The following RPSA2 variants were observed in gnomAD, a reference collection of about 807,000 sequenced individuals.
The protein encoded by RPSA2 is ribosomal protein SA 2.
chr19:23,808,882 A>G, the RPSA2 span: 1 of 418,492 alleles, frequency 2.4e-6, no homozygotes, highest in Non-Finnish European at 4.3e-6. Flanking sequence ...GCAAGTCTTT[A>G]AAGTGATTTG....
chr19:23,761,276 C>T, the RPSA2 span, among the ~76,000 whole-genome samples: 257 of 152,100 alleles, frequency 1.7e-3, 1 homozygote, highest in African/African-American at 5.8e-3. Context: ...GACTGAGTCT[C>T]ACTACATTGC....
the RPSA2 span, among the ~76,000 whole-genome samples, chr19:23,784,091 G>A: frequency 0.021 from 3,183 of 152,314 alleles, 53 homozygotes; most frequent in Admixed American, 0.034. Flanking sequence ...AAAGCACACA[G>A]ATGTAATGAT....
At chr19:23,789,467 A>T in the RPSA2 span, among the ~76,000 whole-genome samples, 1 of 151,892 alleles carries the variant, frequency 6.6e-6, no homozygotes, top group Non-Finnish European at 1.5e-5. Context: ...CTCTCTACTC[A>T]CTGATGTAAT....
the RPSA2 span, among the ~76,000 whole-genome samples, chr19:23,793,848 G>T: frequency 6.6e-6 from 1 of 152,140 alleles, no homozygotes; most frequent in African/African-American, 2.4e-5. Context: ...ACAGGTGTGA[G>T]CCATCCCGCC....
chr19:23,777,954 G>A, the RPSA2 span, among the ~76,000 whole-genome samples: 1 of 152,206 alleles, frequency 6.6e-6, no homozygotes, highest in Non-Finnish European at 1.5e-5. Flanking sequence ...TTCACTAGGG[G>A]ATAATAATAC....
the RPSA2 span, among the ~76,000 whole-genome samples, chr19:23,841,832 G>A: frequency 6.6e-6 from 1 of 152,314 alleles, no homozygotes; most frequent in African/African-American, 2.4e-5. Context: ...TAGCAGAGAT[G>A]AGCACTTGTA....
the RPSA2 span, among the ~76,000 whole-genome samples, chr19:23,822,813 G>A: frequency 6.6e-6 from 1 of 152,084 alleles, no homozygotes; most frequent in Non-Finnish European, 1.5e-5. Flanking sequence ...TAGGGAGGAG[G>A]GGTTTCTATC....
chr19:23,762,743 A>T, the RPSA2 span, among the ~76,000 whole-genome samples: 24 of 152,178 alleles, frequency 1.6e-4, no homozygotes, highest in East Asian at 4.4e-3. Context: ...GCATTATACA[A>T]GACCCAGGTA....
At chr19:23,806,385 T>C in the RPSA2 span, among the ~76,000 whole-genome samples, 1 of 152,086 alleles carries the variant, frequency 6.6e-6, no homozygotes. Context: ...GGATTCTTAG[T>C]AAAGATGGAG....
chr19:23,852,528 G>C, the RPSA2 span, among the ~76,000 whole-genome samples: 1 of 152,184 alleles, frequency 6.6e-6, no homozygotes, highest in Non-Finnish European at 1.5e-5. Flanking sequence ...AAAACGAAAG[G>C]ATGGGCCAAA....
chr19:23,839,221 A>G, the RPSA2 span, among the ~76,000 whole-genome samples: 2 of 152,152 alleles, frequency 1.3e-5, no homozygotes, highest in Non-Finnish European at 2.9e-5. Flanking sequence ...CAGATTATTT[A>G]ATTTCCATGT....
the RPSA2 span, among the ~76,000 whole-genome samples, chr19:23,857,947 G>A: frequency 3.9e-5 from 6 of 151,976 alleles, no homozygotes; most frequent in Admixed American, 3.9e-4. Flanking sequence ...CATCTGGAGA[G>A]ACAATTGCTT....
the RPSA2 span, chr19:23,832,968 C>A: frequency 1.4e-6 from 2 of 1,475,302 alleles, no homozygotes; most frequent in Non-Finnish European, 1.8e-6. Flanking sequence ...GAGTAAAACC[C>A]TACAAGTGTG....
the RPSA2 span, among the ~76,000 whole-genome samples, chr19:23,762,485 G>T: frequency 2.6e-5 from 4 of 151,778 alleles, no homozygotes; most frequent in Non-Finnish European, 5.9e-5. Context: ...AGAGCAGCCT[G>T]GCCAACATGG....
chr19:23,862,486 C>T, the RPSA2 span, among the ~76,000 whole-genome samples: 4 of 151,830 alleles, frequency 2.6e-5, no homozygotes, highest in East Asian at 1.9e-4. Context: ...CCAGTTTTTG[C>T]CCATTCAGTA....
chr19:23,866,457 T>C, the RPSA2 span, among the ~76,000 whole-genome samples: 1 of 152,066 alleles, frequency 6.6e-6, no homozygotes, highest in East Asian at 1.9e-4. Context: ...AAACTGGACA[T>C]TTTAAAAAGG....
At chr19:23,830,662 T>A in the RPSA2 span, among the ~76,000 whole-genome samples, 3 of 152,146 alleles carry the variant, frequency 2.0e-5, no homozygotes. Context: ...ATATTTTTGT[T>A]CTTGTCCTCA....
At chr19:23,800,469 C>T in the RPSA2 span, among the ~76,000 whole-genome samples, 1 of 152,166 alleles carries the variant, frequency 6.6e-6, no homozygotes, top group Non-Finnish European at 1.5e-5. Flanking sequence ...AGGGGACTTT[C>T]CCTCTCAGGC....
the RPSA2 span, among the ~76,000 whole-genome samples, chr19:23,863,510 G>A: frequency 6.9e-6 from 1 of 145,950 alleles, no homozygotes; most frequent in Non-Finnish European, 1.5e-5. Context: ...GTTGCAGTGA[G>A]CTAAGATCAC....
Sources: gnomAD v4.1 joint callset for allele counts (sites outside exome capture counted in the v4.1 genomes callset) on GRCh38, gnomAD v4.1.1 for gene constraint, MANE v1.5 for transcripts, NCBI Gene and HGNC (gene_info 2026-07-23, HGNC 2026-07-21) for gene names.